SNX29: variants seen among roughly 807,000 people sequenced by gnomAD.
The protein encoded by SNX29 is sorting nexin 29.
SNX29 carries 78 observed loss-of-function variants against 102.1 expected under a neutral mutation model. The ratio of observed to expected loss-of-function variants is 0.76; its 90% CI spans 0.64 to 0.92. The LOEUF (loss-of-function observed/expected upper bound fraction) is 0.92. Among genes scored for constraint, SNX29 ranks in the 40% least tolerant of loss-of-function variants. The probability of loss-of-function intolerance (pLI) is 0.00; values close to 1 mark genes in which losing one functional copy is unlikely to be tolerated. For missense variants in SNX29, 1,280 were observed against 1,061.7 expected, an observed-to-expected ratio of 1.21 and a Z score of -2.86; for synonymous variants, 580 against 414.5, an observed-to-expected ratio of 1.40 and a Z score of -4.85.
At chr16:12,403,622 G>A (rs150366757) in intron 18 of SNX29, 93 bp downstream of exon 18, 21 of 1,220,356 alleles carry the variant, frequency 1.7e-5, no homozygotes, top group Middle Eastern at 4.6e-4. Context: ...GTGGTGGGGC[G>A]CTATGATTAG....
At chr16:12,128,969 C>T (rs1238460254) in intron 12 of SNX29, among the ~76,000 whole-genome samples, 2 of 152,160 alleles carry the variant, frequency 1.3e-5, no homozygotes, top group Non-Finnish European at 2.9e-5. Flanking sequence ...GACAAATACA[C>T]AGGTGAATCC....
At chr16:12,483,550 C>G (rs1012967026) in intron 19 of SNX29, among the ~76,000 whole-genome samples, 1 of 151,586 alleles carries the variant, frequency 6.6e-6, no homozygotes, top group Non-Finnish European at 1.5e-5. Context: ...CTCCTGAGCT[C>G]GTGATCCACC....
intron 1 of SNX29, among the ~76,000 whole-genome samples, chr16:11,985,100 C>CT (rs896111327): frequency 7.3e-5 from 11 of 150,838 alleles, no homozygotes; most frequent in African/African-American, 2.2e-4. Flanking sequence ...CTTTTGATTC[C>CT]TTTTTTTTTT....
chr16:12,544,753 G>T (rs760644027), intron 20 of SNX29, among the ~76,000 whole-genome samples: 1 of 152,162 alleles, frequency 6.6e-6, no homozygotes, highest in Non-Finnish European at 1.5e-5. Context: ...GTGAAGGGAC[G>T]TGCTCTGGGT....
intron 20 of SNX29, among the ~76,000 whole-genome samples, chr16:12,554,981 G>C (rs1432848373): frequency 6.6e-6 from 1 of 152,024 alleles, no homozygotes; most frequent in African/African-American, 2.4e-5. Context: ...GGGTCAGTCA[G>C]CCGGAGCACC....
At chr16:12,500,908 G>A (rs894171148) in intron 19 of SNX29, among the ~76,000 whole-genome samples, 1 of 152,174 alleles carries the variant, frequency 6.6e-6, no homozygotes, top group African/African-American at 2.4e-5. Context: ...GGTCCCCTCA[G>A]TGGAGGGCAC....
At chr16:12,558,614 A>C (rs78476343) in intron 20 of SNX29, among the ~76,000 whole-genome samples, 1,840 of 152,290 alleles carry the variant, frequency 0.012, 53 homozygotes, top group South Asian at 0.11. Flanking sequence ...CTGCTCACAC[A>C]GTGCAGGCCC....
intron 18 of SNX29, among the ~76,000 whole-genome samples, chr16:12,465,288 C>T (rs2086999955): frequency 6.6e-6 from 1 of 152,114 alleles, no homozygotes; most frequent in East Asian, 1.9e-4. Context: ...AAAAAAATTA[C>T]TGCCAAGACT....
intron 16 of SNX29, chr16:12,373,764 T>C (rs1286808913): frequency 2.6e-5 from 4 of 152,182 alleles, no homozygotes; most frequent in African/African-American, 9.6e-5. Context: ...TGAACACACA[T>C]GGTGAATTTG....
intron 20 of SNX29, among the ~76,000 whole-genome samples, chr16:12,530,125 C>T (rs184513272): frequency 3.3e-5 from 5 of 152,236 alleles, no homozygotes; most frequent in Admixed American, 6.5e-5. Flanking sequence ...ACATCAACCA[C>T]TTGGCCCTCT....
chr16:12,079,098 G>A (rs1281197739), intron 11 of SNX29, among the ~76,000 whole-genome samples, 183 bp downstream of exon 11: 1 of 152,352 alleles, frequency 6.6e-6, no homozygotes, highest in East Asian at 1.9e-4. Flanking sequence ...AATGCGTGGC[G>A]CTTGGGCGTG....
At chr16:12,179,113 T>C (rs192718648) in intron 13 of SNX29, among the ~76,000 whole-genome samples, 108 of 152,328 alleles carry the variant, frequency 7.1e-4, no homozygotes, top group African/African-American at 2.6e-3. Flanking sequence ...TGTATATATA[T>C]ATTCCTATGT....
intron 20 of SNX29, among the ~76,000 whole-genome samples, chr16:12,534,187 A>G (rs573973432): frequency 2.4e-4 from 36 of 152,286 alleles, no homozygotes; most frequent in African/African-American, 8.7e-4. Flanking sequence ...AGGTCTTCAT[A>G]AGAGTGTGGG....
chr16:12,198,913 A>T (rs551852170), intron 13 of SNX29, among the ~76,000 whole-genome samples: 3 of 152,332 alleles, frequency 2.0e-5, no homozygotes, highest in African/African-American at 7.2e-5. Flanking sequence ...AACAAATGGC[A>T]GTTTTTCCCC....
chr16:12,366,969 A>G (rs932429713), intron 16 of SNX29: 2 of 151,766 alleles, frequency 1.3e-5, no homozygotes, highest in African/African-American at 4.8e-5. Flanking sequence ...ATAAAGATTT[A>G]CATTGCTGTA....
At chr16:12,529,022 C>G (rs2076861724) in intron 20 of SNX29, among the ~76,000 whole-genome samples, 1 of 152,232 alleles carries the variant, frequency 6.6e-6, no homozygotes, top group African/African-American at 2.4e-5. Context: ...CCATATTTCA[C>G]TGTGTTCTGT....
At chr16:12,550,158 G>C (rs1264513249) in intron 20 of SNX29, among the ~76,000 whole-genome samples, 1 of 152,226 alleles carries the variant, frequency 6.6e-6, no homozygotes, top group Non-Finnish European at 1.5e-5. Flanking sequence ...ACCGCATGTA[G>C]TGATATGGAA....
intron 20 of SNX29, among the ~76,000 whole-genome samples, chr16:12,525,651 C>G (rs546702554): frequency 1.3e-5 from 2 of 151,548 alleles, no homozygotes; most frequent in South Asian, 4.2e-4. Flanking sequence ...GAGATTGTGC[C>G]GCTGCACTCC....
intron 9 of SNX29, among the ~76,000 whole-genome samples, chr16:12,065,439 TA>T (rs2050987690): frequency 6.6e-6 from 1 of 152,144 alleles, no homozygotes; most frequent in Non-Finnish European, 1.5e-5. Flanking sequence ...CTGTGTTTAG[TA>T]TTGGGTTTTA....
Sources: allele counts gnomAD v4.1 joint callset (sites outside exome capture counted in the v4.1 genomes callset), GRCh38; gene constraint gnomAD v4.1.1; transcripts MANE v1.5; gene names NCBI Gene and HGNC (gene_info 2026-07-23, HGNC 2026-07-21).